Variants in SGCZ observed in about 807,000 individuals in gnomAD.
SGCZ encodes sarcoglycan zeta, also known as zeta-sarcoglycan.
A neutral mutation model predicts 41.3 loss-of-function variants in SGCZ; 40 were observed. The observed-to-expected ratio is 0.97, with a 90% CI of 0.75 to 1.26. The LOEUF (loss-of-function observed/expected upper bound fraction) is 1.26. Ranked by LOEUF, SGCZ falls within the 50% of genes most tolerant of loss-of-function variation. The pLI, the probability that SGCZ is intolerant of heterozygous loss-of-function variation, is 0.00. For synonymous variants in SGCZ, 206 were observed against 137.5 expected, an observed-to-expected ratio of 1.50 and a Z score of -3.49; for missense variants, 552 against 369.8, an observed-to-expected ratio of 1.49 and a Z score of -4.04.
rs1334451617 is a variant in SGCZ, at chr8:15,057,749, G to A, written c.39+179836C>T. ...TCCAAGAATTAGCTGTGCTCCCTGGGCCTCAGTTTTTTCACTCAGAGCTAA... is the reference window on the plus strand; with the variant it reads ...TCCAAGAATTAGCTGTGCTCCCTGGACCTCAGTTTTTTCACTCAGAGCTAA... On this transcript the variant is annotated intron_variant, in intron 1 of 7. Coordinates refer to ENST00000382080, the MANE Select transcript of SGCZ (RefSeq NM_139167.4). 3.3e-5 allele frequency among the ~76,000 whole-genome samples: 5 copies of A among 152,128 alleles called. No individual in the cohort carries two copies. The East Asian group carries it at 9.6e-4, about 29-fold the overall frequency.
intron 1 of SGCZ, among the ~76,000 whole-genome samples, chr8:15,117,263 G>T (rs7465646): frequency 0.037 from 5,698 of 152,134 alleles, 143 homozygotes; most frequent in Non-Finnish European, 0.06. Flanking sequence ...GGGAGCTGAG[G>T]CAGGAGAATG....
intron 1 of SGCZ, among the ~76,000 whole-genome samples, chr8:14,778,119 G>C (rs1279180530): frequency 1.3e-5 from 2 of 151,918 alleles, no homozygotes; most frequent in African/African-American, 2.4e-5. Context: ...GTAAAGATGA[G>C]GTCTCAACTG....
chr8:14,886,045 A>G (rs1781240064), intron 1 of SGCZ, among the ~76,000 whole-genome samples: 1 of 128,764 alleles, frequency 7.8e-6, no homozygotes, highest in Non-Finnish European at 1.6e-5. Flanking sequence ...AAAATTGTAT[A>G]CTTAGCTTTT....
chr8:15,138,368 G>A (rs1396004298), intron 1 of SGCZ, among the ~76,000 whole-genome samples: 4 of 152,056 alleles, frequency 2.6e-5, no homozygotes, highest in African/African-American at 9.7e-5. Flanking sequence ...AGACTTTAGG[G>A]GACTGTTGGG....
At chr8:14,578,992 G>C (rs1398821131) in intron 1 of SGCZ, among the ~76,000 whole-genome samples, 1 of 152,010 alleles carries the variant, frequency 6.6e-6, no homozygotes, top group Non-Finnish European at 1.5e-5. Context: ...AAGTTATTTA[G>C]GTTTAACATG....
chr8:14,374,279 T>A (rs1804023615), intron 2 of SGCZ, among the ~76,000 whole-genome samples: 1 of 152,044 alleles, frequency 6.6e-6, no homozygotes, highest in African/African-American at 2.4e-5. Flanking sequence ...TTCAGGAGGC[T>A]GAGATGGGAG....
At chr8:14,358,163 A>C (rs1016838793) in intron 2 of SGCZ, among the ~76,000 whole-genome samples, 25 of 152,194 alleles carry the variant, frequency 1.6e-4, no homozygotes, top group African/African-American at 5.8e-4. Context: ...AATTGGTTAC[A>C]TGACAGTGCC....
At chr8:14,980,451 T>C (rs1172075253) in intron 1 of SGCZ, among the ~76,000 whole-genome samples, 1 of 152,208 alleles carries the variant, frequency 6.6e-6, no homozygotes, top group Admixed American at 6.5e-5. Flanking sequence ...TATCTATCTA[T>C]CTGTGTTAGT....
intron 3 of SGCZ, among the ~76,000 whole-genome samples, chr8:14,307,396 A>G (rs1801384563): frequency 6.6e-6 from 1 of 152,178 alleles, no homozygotes; most frequent in Admixed American, 6.6e-5. Context: ...AAAAGAATAT[A>G]AATGCATAAT....
At chr8:14,540,909 T>C (rs1038431220) in intron 2 of SGCZ, among the ~76,000 whole-genome samples, 2 of 151,750 alleles carry the variant, frequency 1.3e-5, no homozygotes, top group Non-Finnish European at 2.9e-5. Context: ...TGTTCTTTAC[T>C]GCTTGTTATG....
chr8:14,432,871 GCTACTGCACTC>G (rs1385292765), intron 2 of SGCZ, among the ~76,000 whole-genome samples: 2 of 121,532 alleles, frequency 1.6e-5, no homozygotes, highest in Admixed American at 1.1e-4. Flanking sequence ...CCAAGATCGT[GCTACTGCACTC>G]CAGCCTGGGC....
At chr8:14,453,210 T>G (rs1223033719) in intron 2 of SGCZ, among the ~76,000 whole-genome samples, 2 of 152,194 alleles carry the variant, frequency 1.3e-5, no homozygotes, top group Admixed American at 6.6e-5. Flanking sequence ...TAAAGATGGT[T>G]TGTAAACATA....
chr8:15,125,500 T>C (rs1237362439), intron 1 of SGCZ, among the ~76,000 whole-genome samples: 1 of 152,178 alleles, frequency 6.6e-6, no homozygotes, highest in Non-Finnish European at 1.5e-5. Context: ...AAGAGAAATA[T>C]TCTCTTCTTT....
chr8:15,018,329 C>T (rs1036719891), intron 1 of SGCZ, among the ~76,000 whole-genome samples: 13 of 152,258 alleles, frequency 8.5e-5, no homozygotes, highest in African/African-American at 2.9e-4. Context: ...ATAAAATAAG[C>T]ACTGAGTGAA....
At chr8:14,485,966 C>G (rs908203900) in intron 2 of SGCZ, among the ~76,000 whole-genome samples, 3 of 151,502 alleles carry the variant, frequency 2.0e-5, no homozygotes, top group Admixed American at 6.6e-5. Context: ...CTCAGCCTCC[C>G]GAGTAGCTGG....
At chr8:15,155,438 G>A (rs915252515) in intron 1 of SGCZ, among the ~76,000 whole-genome samples, 4 of 152,086 alleles carry the variant, frequency 2.6e-5, no homozygotes, top group Admixed American at 2.6e-4. Flanking sequence ...CTGAAATAAT[G>A]CAAAACAATA....
chr8:14,679,934 A>C (rs933275236), intron 1 of SGCZ, among the ~76,000 whole-genome samples: 1 of 152,074 alleles, frequency 6.6e-6, no homozygotes, highest in Admixed American at 6.6e-5. Flanking sequence ...CCATTGTGTT[A>C]CAAATGCCTA....
intron 2 of SGCZ, among the ~76,000 whole-genome samples, chr8:14,343,454 G>C (rs1349870736): frequency 6.6e-6 from 1 of 152,218 alleles, no homozygotes; most frequent in Non-Finnish European, 1.5e-5. Context: ...CTGGGAAAAA[G>C]AGAGATGAAG....
intron 1 of SGCZ, among the ~76,000 whole-genome samples, chr8:14,741,558 A>G (rs1799199084): frequency 6.6e-6 from 1 of 152,126 alleles, no homozygotes; most frequent in African/African-American, 2.4e-5. Flanking sequence ...CATTCAAAAC[A>G]TTAACAAGCT....
Sources: gnomAD v4.1 joint callset for allele counts (sites outside exome capture counted in the v4.1 genomes callset) on GRCh38, gnomAD v4.1.1 for gene constraint, MANE v1.5 for transcripts, NCBI Gene and HGNC (gene_info 2026-07-23, HGNC 2026-07-21) for gene names.